Variants in CDHR5 observed in about 807,000 individuals in gnomAD.
CDHR5 encodes cadherin-related family member 5.
Under a neutral mutation model 69.5 loss-of-function variants are expected in CDHR5, and 82 were observed. That is an observed-to-expected ratio of 1.18 (90% CI 0.99 to 1.42). The LOEUF is 1.42. Ranked by LOEUF, CDHR5 falls within the 40% of genes most tolerant of loss-of-function variation. The probability of loss-of-function intolerance (pLI) is 0.00; values close to 1 mark genes in which losing one functional copy is unlikely to be tolerated. For synonymous variants in CDHR5, 601 were observed against 510.2 expected, an observed-to-expected ratio of 1.18 and a Z score of -2.40; for missense variants, 1,293 against 1,168.9, an observed-to-expected ratio of 1.11 and a Z score of -1.55.
chr11:623,616 C>T (rs555742536), intron 3 of CDHR5, among the ~76,000 whole-genome samples: 1 of 151,904 alleles, frequency 6.6e-6, no homozygotes, highest in Non-Finnish European at 1.5e-5. Context: ...GGAGCCTCTG[C>T]ACAGTATGTC....
Position 624,843 on chromosome 11 carries a change from G to A in CDHR5, c.60C>T (p.Pro20=). 1 of 1,602,466 alleles carries A rather than the reference G, an allele frequency of 6.2e-7. No individual in the cohort carries two copies. Among genetic ancestry groups the A allele is most frequent in the South Asian group, 1.1e-5 (1 of 90,224 alleles). The change falls in exon 1 of 15, where the codon CCC becomes CCT. Residue 20 remains proline, a synonymous_variant. Transcript: ENST00000397542. The surrounding 1 kb of genome is among the most constrained non-coding windows in gnomAD (Gnocchi z 5.3). Reference sequence around the variant, plus strand: ...ACTGGGCCTGGGCCATGGTCCCCGGGGGTCGGACGAGCAGCCCGGTGAACA... The same window carrying A: ...ACTGGGCCTGGGCCATGGTCCCCGGAGGTCGGACGAGCAGCCCGGTGAACA... ...PLLFTGLLVR[P]PGTMAQAQYC...
chr11:618,111 C>A lies in CDHR5; in HGVS notation c.1961G>T (p.Gly654Val), dbSNP rs781679047. ...GCGCTTGTCCTCCGAGGGGCCGCCA[C>A]CTGGCATCGCAGTGGAAAACGTCAT... is the stretch of plus-strand genomic sequence containing the variant. Reference protein sequence around the residue: ...MPLSKSTPSSGGGPSEDKRFS... With the variant: ...MPLSKSTPSSVGGPSEDKRFS... The change falls in exon 14 of 15, where the codon GGT becomes GTT. Residue 654 changes from glycine (G) to valine (V), a missense_variant and splice_region_variant. Gly to Val is a moderately radical substitution (Grantham distance 109). Coordinates refer to ENST00000397542, the MANE Select transcript of CDHR5 (RefSeq NM_021924.5). 5 of 1,606,324 alleles carry A rather than the reference C, an allele frequency of 3.1e-6. No homozygotes were observed. In the South Asian group the frequency reaches 4.4e-5, roughly 14 times the overall value.
In CDHR5 at chr11:621,310, G is replaced by C. The variant is rs775256497; in HGVS notation, c.618+35C>G. The stretch of plus-strand genomic sequence containing the variant: ...AGCAGCTGGGGCCGGGGGGCCTCAA[G>C]TGTGTGGGACTCGGGGCTGGGGTGA... On this transcript the variant is annotated intron_variant, in intron 6 of 14. Coordinates refer to ENST00000397542, the MANE Select transcript of CDHR5 (RefSeq NM_021924.5). This position sits in a 1 kb window ranked among gnomAD's most constrained non-coding sequence, Gnocchi z 4.4. The C allele has an allele frequency of 3.7e-6, 6 of 1,611,700 alleles. No homozygotes were observed. In the East Asian group the frequency reaches 1.3e-4, roughly 36 times the overall value.
chr11:619,650 A>G (rs778089770), intron 10 of CDHR5, 31 bp downstream of exon 10: 2 of 1,611,046 alleles, frequency 1.2e-6, no homozygotes, highest in East Asian at 2.2e-5. Flanking sequence ...TGACCCACCC[A>G]CAGAGGGGAG....
chr11:618,407 C>T (rs540187198), intron 13 of CDHR5, among the ~76,000 whole-genome samples, 192 bp downstream of exon 13: 3 of 152,368 alleles, frequency 2.0e-5, no homozygotes, highest in Admixed American at 6.5e-5. Context: ...CACATCTGGC[C>T]TCTGTCCTAC....
Position 624,919 on chromosome 11 carries a change from T to C in CDHR5, c.-17A>G. The C allele has an allele frequency of 6.5e-7, 1 of 1,540,030 alleles. No homozygotes were observed. Among genetic ancestry groups the C allele is most frequent in the Non-Finnish European group, 8.7e-7 (1 of 1,145,314 alleles). ...AGACCCCATCTTGGCGGCTGTCACCTGGCAGGAGGGTCTGAGCGGGTCTGG... is the reference window on the plus strand; with the variant it reads ...AGACCCCATCTTGGCGGCTGTCACCCGGCAGGAGGGTCTGAGCGGGTCTGG... On this transcript the variant is annotated 5_prime_UTR_variant, in exon 1 of 15. Transcript: ENST00000397542. This position sits in a 1 kb window ranked among gnomAD's most constrained non-coding sequence, Gnocchi z 5.3.
chr11:618,813 C>T lies in CDHR5; in HGVS notation c.1746G>A (p.Met582Ile), dbSNP rs748447207. 2.5e-5 allele frequency: 41 copies of T among 1,611,334 alleles called. No homozygotes were observed. The highest frequency in any genetic ancestry group is 1.7e-5 in the Non-Finnish European group (20 of 1,179,522). ...AGGTGCTGGTTCCCATACTGGGGGG[C>T]ATCGGCTGAGAGGTTCCTGGCTCTG... ...QTPEPGTSQPMPPSMGTSTSH... is the reference protein window; with the variant it reads ...QTPEPGTSQPIPPSMGTSTSH... Residue 582 changes from methionine to isoleucine, a missense_variant, in exon 13 of 15, where the codon ATG (methionine) becomes ATA (isoleucine). By Grantham distance (10) the Met-to-Ile change is conservative (BLOSUM62 1). Coordinates refer to ENST00000397542, the MANE Select transcript of CDHR5 (RefSeq NM_021924.5).
chr11:623,215 A>C (rs1857523976), intron 3 of CDHR5, among the ~76,000 whole-genome samples: 1 of 152,176 alleles, frequency 6.6e-6, no homozygotes, highest in South Asian at 2.1e-4. Flanking sequence ...AGGCTGAGGC[A>C]GGAGAATCGC....
In CDHR5 at chr11:617,955, G is replaced by A. The variant is rs373834800; in HGVS notation, c.2117C>T (p.Pro706Leu). The change falls in exon 14 of 15, where the codon CCG becomes CTG. Residue 706 changes from proline (P) to leucine (L), a missense_variant and splice_region_variant. Physicochemically the swap from Pro to Leu is moderately conservative, Grantham distance 98. Coordinates refer to ENST00000397542, the MANE Select transcript of CDHR5 (RefSeq NM_021924.5). Reference sequence around the variant, plus strand: ...CCTGTTCTCCATCCTGGGCCTCACCGGAGCTTTGCCACAGCAGCACTTGAG... The same window carrying A: ...CCTGTTCTCCATCCTGGGCCTCACCAGAGCTTTGCCACAGCAGCACTTGAG... The part of the protein sequence containing the change: ...PRLKCCCGKA[P>L]EPQPQGFDNQ... The A allele has an allele frequency of 1.6e-5, 25 of 1,610,234 alleles. No individual in the cohort carries two copies. Among genetic ancestry groups the A allele is most frequent in the East Asian group, 8.9e-5 (4 of 44,836 alleles).
In CDHR5 at chr11:621,665, T is replaced by C; in HGVS notation, c.406-2A>G. ...GACGGTGGAGTTCACTTTCGTGTCC[T>C]GGGGAGGGAGAGGGGCTTGGTCCGG... On this transcript the variant is annotated splice_acceptor_variant, in intron 4 of 14. Transcript: ENST00000397542. LOFTEE classifies it high-confidence loss of function. This position sits in a 1 kb window ranked among gnomAD's most constrained non-coding sequence, Gnocchi z 4.4. The C allele has an allele frequency of 1.2e-6, 2 of 1,610,014 alleles. No individual in the cohort carries two copies. Among genetic ancestry groups the C allele is most frequent in the Non-Finnish European group, 1.7e-6 (2 of 1,176,526 alleles).
chr11:617,540 C>A lies in CDHR5; in HGVS notation c.2349G>T (p.Arg783=). 6.2e-7 allele frequency: 1 copy of A among 1,612,428 alleles called. No homozygotes were observed. ...AGACAGCCTTGTACCCGCCCTCCGG[C>A]CGCCGCTCCTTGGTCAGGATGGACC... The part of the protein sequence containing the change: ...AVRSILTKER[R]PEGGYKAVWF... Residue 783 remains arginine, a synonymous_variant, in exon 15 of 15, where the codon CGG becomes CGT. Coordinates refer to ENST00000397542, the MANE Select transcript of CDHR5 (RefSeq NM_021924.5).
rs1180027515 is a variant in CDHR5 at position 621,147 on chromosome 11, G to T, written c.722C>A (p.Thr241Asn). ...DLRPPWFLPC[T>N]FSDGYVCIQA... Reference sequence around the variant, plus strand: ...AATGCAGACGTAGCCATCTGAGAAGGTGCAGGGCAGGAACCACGGGGGCCG... The same window carrying T: ...AATGCAGACGTAGCCATCTGAGAAGTTGCAGGGCAGGAACCACGGGGGCCG... Residue 241 changes from threonine (T) to asparagine (N), a missense_variant, in exon 7 of 15, where the codon ACC becomes AAC. Thr to Asn is a moderately conservative substitution (Grantham distance 65, BLOSUM62 0). Transcript: ENST00000397542. The surrounding 1 kb of genome is among the most constrained non-coding windows in gnomAD (Gnocchi z 4.4). 6.2e-7 allele frequency: 1 copy of T among 1,601,676 alleles called. No homozygotes were observed. Among genetic ancestry groups the T allele is most frequent in the Non-Finnish European group, 8.5e-7 (1 of 1,173,618 alleles).
At chr11:623,481 A>G (rs1857539713) in intron 3 of CDHR5, among the ~76,000 whole-genome samples, 1 of 152,138 alleles carries the variant, frequency 6.6e-6, no homozygotes, top group African/African-American at 2.4e-5. Context: ...CCGGTCAAGA[A>G]GCAGGATGTT....
At chr11:619,254 G>A (rs1027229615) in intron 12 of CDHR5, 52 bp downstream of exon 12, 40 of 1,495,710 alleles carry the variant, frequency 2.7e-5, no homozygotes, top group Middle Eastern at 1.7e-4. Context: ...AGGAGCCACC[G>A]AAGGGGCTTA....
In CDHR5 at chr11:621,535, T is replaced by C; in HGVS notation, c.507+27A>G. ...GTGGGTGTCAGAGGCGAGGGGCTCG[T>C]GCTGGGGCAGGGTGGGCGGCACTGA... On this transcript the variant is annotated intron_variant, in intron 5 of 14. Coordinates refer to ENST00000397542, the MANE Select transcript of CDHR5 (RefSeq NM_021924.5). This position sits in a 1 kb window ranked among gnomAD's most constrained non-coding sequence, Gnocchi z 4.4. 1.3e-6 allele frequency: 2 copies of C among 1,598,786 alleles called. No homozygotes were observed. Among genetic ancestry groups the C allele is most frequent in the African/African-American group, 1.3e-5 (1 of 74,516 alleles).
chr11:624,548 C>G lies in CDHR5; in HGVS notation c.261+9G>C. ...GGACCCCCATATCCCGCCCGCCTGC[C>G]GCCCACACCTCGTAATCAGGAGTCA... On this transcript the variant is annotated intron_variant, in intron 2 of 14. Transcript: ENST00000397542. The surrounding 1 kb of genome is among the most constrained non-coding windows in gnomAD (Gnocchi z 5.3). 1.2e-6 allele frequency: 2 copies of G among 1,604,790 alleles called. No individual in the cohort carries two copies. Among genetic ancestry groups the G allele is most frequent in the Non-Finnish European group, 8.5e-7 (1 of 1,173,758 alleles).
chr11:618,520 G>C, intron 13 of CDHR5, 79 bp downstream of exon 13: 1 of 1,529,276 alleles, frequency 6.5e-7, no homozygotes, highest in Non-Finnish European at 9.0e-7. Flanking sequence ...GGTCAGCCTG[G>C]GGTGGACCCT....
At chr11:618,509 A>T in intron 13 of CDHR5, 90 bp downstream of exon 13, 1 of 1,467,752 alleles carries the variant, frequency 6.8e-7, no homozygotes, top group Non-Finnish European at 9.4e-7. Context: ...TGGTCAGGCC[A>T]GGTCAGCCTG....
chr11:621,631 C>G lies in CDHR5; in HGVS notation c.438G>C (p.Glu146Asp). ...DTKVNSTVIP[E>D]TQLQAEDRDK... ...CGCGGTCCTCAGCCTGCAGTTGCGT[C>G]TCGGGGATGACGGTGGAGTTCACTT... The change falls in exon 5 of 15, where the codon GAG (glutamate) becomes GAC (aspartate). Residue 146 changes from glutamate to aspartate, a missense_variant. By Grantham distance (45) the Glu-to-Asp change is conservative. Transcript: ENST00000397542. This position sits in a 1 kb window ranked among gnomAD's most constrained non-coding sequence, Gnocchi z 4.4. 1 of 1,613,800 alleles carries G rather than the reference C, an allele frequency of 6.2e-7. No individual in the cohort carries two copies. The highest frequency in any genetic ancestry group is 2.2e-5 in the East Asian group (1 of 44,870).
Sources: allele counts gnomAD v4.1 joint callset (sites outside exome capture counted in the v4.1 genomes callset), GRCh38; gene constraint gnomAD v4.1.1; non-coding constraint Gnocchi (gnomAD v3.1); transcripts MANE v1.5; gene names NCBI Gene and HGNC (gene_info 2026-07-23, HGNC 2026-07-21).